ZNF506: variants seen among roughly 807,000 people sequenced by gnomAD.
ZNF506 encodes zinc finger protein 506.
In ZNF506, 10 loss-of-function variants were observed where a neutral mutation model predicts 11.6. The observed-to-expected ratio is 0.86, with a 90% CI of 0.53 to 1.46. The LOEUF is 1.46. Ranked by LOEUF, ZNF506 falls within the 40% of genes most tolerant of loss-of-function variation. The pLI, the probability that ZNF506 is intolerant of heterozygous loss-of-function variation, is 0.00. For synonymous variants in ZNF506, 156 were observed against 173.3 expected, an observed-to-expected ratio of 0.90 and a Z score of 0.78; for missense variants, 425 against 521.2, an observed-to-expected ratio of 0.82 and a Z score of 1.80.
intron 1 of ZNF506, among the ~76,000 whole-genome samples, chr19:19,815,717 T>C (rs1015344235): frequency 2.0e-5 from 3 of 152,232 alleles, no homozygotes; most frequent in Admixed American, 6.5e-5. Context: ...TCCCGCAACA[T>C]TGTCCTCATG....
At chr19:19,808,860 AAAAG>A (rs1568478351) in intron 1 of ZNF506, among the ~76,000 whole-genome samples, 1 of 151,622 alleles carries the variant, frequency 6.6e-6, no homozygotes, top group Non-Finnish European at 1.5e-5. Flanking sequence ...AAAAAAAAAA[AAAAG>A]AAACATGTTT....
In ZNF506 at chr19:19,793,423, T is replaced by C. The variant is rs961987762; in HGVS notation, c.*1129A>G. 6.6e-6 allele frequency among the ~76,000 whole-genome samples: 1 copy of C among 152,162 alleles called. No individual in the cohort carries two copies. The highest frequency in any genetic ancestry group is 1.5e-5 in the Non-Finnish European group (1 of 68,018). On this transcript the variant is annotated 3_prime_UTR_variant, in exon 4 of 4. Coordinates refer to ENST00000540806, the MANE Select transcript of ZNF506 (RefSeq NM_001099269.3). The stretch of plus-strand genomic sequence containing the variant: ...AAAAAAAAAGTCTTTCCAAATTCAT[T>C]ATATTTGCAGGACTCTTCTCCAATA...
chr19:19,814,385 G>A (rs1394345888), intron 1 of ZNF506, among the ~76,000 whole-genome samples: 1 of 129,156 alleles, frequency 7.7e-6, no homozygotes, highest in East Asian at 3.2e-4. Context: ...ACCACCCTGG[G>A]CAGCAAGTGC....
chr19:19,811,801 T>A (rs192814592), intron 1 of ZNF506, among the ~76,000 whole-genome samples: 2 of 152,036 alleles, frequency 1.3e-5, no homozygotes, highest in Non-Finnish European at 2.9e-5. Flanking sequence ...AAGGAAATTA[T>A]AATAACGGTT....
intron 3 of ZNF506, among the ~76,000 whole-genome samples, chr19:19,803,978 T>G (rs961337695): frequency 6.7e-5 from 10 of 150,124 alleles, no homozygotes; most frequent in Non-Finnish European, 1.3e-4. Context: ...GTGGTTTACT[T>G]CCAACTATAT....
chr19:19,809,187 A>G (rs1296135727), intron 1 of ZNF506, among the ~76,000 whole-genome samples: 1 of 152,218 alleles, frequency 6.6e-6, no homozygotes, highest in Non-Finnish European at 1.5e-5. Context: ...AACATTTTTA[A>G]TATTGCAGAT....
Position 19,794,340 on chromosome 19 carries a change from T to C in ZNF506, c.*212A>G, listed in dbSNP as rs1329023029. ...AACAAAAAGAGTTGACAGGTTGTTA[T>C]AGGCTTTGCCATATTCTTCACACTT... On this transcript the variant is annotated 3_prime_UTR_variant, in exon 4 of 4. Transcript: ENST00000540806. 1.9e-5 allele frequency: 9 copies of C among 485,970 alleles called. No individual in the cohort carries two copies. Among genetic ancestry groups the C allele is most frequent in the Admixed American group, 3.8e-5 (1 of 26,548 alleles). The allele number at this position is 485,970 out of a possible 1,614,324, so 30.1% of individuals were successfully genotyped here. A position where few individuals can be genotyped will look rare whatever the true frequency, so the allele number is the denominator to read the frequency against.
intron 1 of ZNF506, among the ~76,000 whole-genome samples, chr19:19,812,160 A>G (rs1168723536): frequency 6.6e-6 from 1 of 152,262 alleles, no homozygotes; most frequent in Non-Finnish European, 1.5e-5. Flanking sequence ...GGGGATGAAC[A>G]AACACAGATG....
chr19:19,796,731 T>A (rs1433704901), intron 3 of ZNF506: 3 of 152,170 alleles, frequency 2.0e-5, no homozygotes, highest in African/African-American at 7.2e-5. Flanking sequence ...TACTGGTTAA[T>A]GTCTCCCACG....
intron 1 of ZNF506, among the ~76,000 whole-genome samples, chr19:19,808,800 G>A (rs573649858): frequency 3.7e-5 from 5 of 133,960 alleles, no homozygotes; most frequent in African/African-American, 8.8e-5. Flanking sequence ...CCAAGATCGC[G>A]CTACTATACC....
intron 1 of ZNF506, among the ~76,000 whole-genome samples, chr19:19,820,095 C>CAAA (rs879774686): frequency 1.6e-5 from 2 of 122,062 alleles, no homozygotes; most frequent in African/African-American, 6.1e-5. Flanking sequence ...GACTCCATCT[C>CAAA]AAAAAAAAAA....
At chr19:19,815,349 T>A (rs149053001) in intron 1 of ZNF506, among the ~76,000 whole-genome samples, 1 of 152,226 alleles carries the variant, frequency 6.6e-6, no homozygotes, top group East Asian at 1.9e-4. Context: ...TGTGGACATG[T>A]CAATGTCTAG....
chr19:19,820,698 T>C (rs2062961812), intron 1 of ZNF506: 2 of 152,052 alleles, frequency 1.3e-5, no homozygotes, highest in Admixed American at 1.3e-4. Flanking sequence ...AATAAATAAA[T>C]AAATAAATAA....
At chr19:19,801,807 C>A (rs1165164428) in intron 3 of ZNF506, among the ~76,000 whole-genome samples, 2 of 147,744 alleles carry the variant, frequency 1.4e-5, no homozygotes, top group East Asian at 2.0e-4. Flanking sequence ...AAAAGAGAAA[C>A]CTACTCTGAA....
At chr19:19,805,215 G>T (rs1041115259) in intron 3 of ZNF506, among the ~76,000 whole-genome samples, 2 of 151,072 alleles carry the variant, frequency 1.3e-5, no homozygotes, top group Non-Finnish European at 3.0e-5. Flanking sequence ...ATAAAATAAA[G>T]AAAAAATCTT....
intron 1 of ZNF506, among the ~76,000 whole-genome samples, chr19:19,808,864 G>C (rs906305802): frequency 1.8e-5 from 2 of 112,016 alleles, no homozygotes; most frequent in East Asian, 3.0e-4. Flanking sequence ...AAAAAAAAAA[G>C]AAACATGTTT....
chr19:19,805,678 T>A (rs1388154659), intron 3 of ZNF506, among the ~76,000 whole-genome samples: 2 of 152,158 alleles, frequency 1.3e-5, no homozygotes, highest in South Asian at 4.1e-4. Context: ...TAAAGAGTTT[T>A]AGTTTCTCAA....
intron 3 of ZNF506, among the ~76,000 whole-genome samples, chr19:19,805,103 T>A (rs1315467051): frequency 6.6e-6 from 1 of 152,048 alleles, no homozygotes; most frequent in African/African-American, 2.4e-5. Flanking sequence ...CCATACACAG[T>A]ACATTAAAAC....
chr19:19,818,740 T>C (rs2062950531), intron 1 of ZNF506, among the ~76,000 whole-genome samples: 1 of 152,214 alleles, frequency 6.6e-6, no homozygotes, highest in African/African-American at 2.4e-5. Context: ...CAGTGGCTCA[T>C]GTCTGTAATC....
Sources: gnomAD v4.1 joint callset for allele counts (sites outside exome capture counted in the v4.1 genomes callset) on GRCh38, gnomAD v4.1.1 for gene constraint, MANE v1.5 for transcripts, NCBI Gene and HGNC (gene_info 2026-07-23, HGNC 2026-07-21) for gene names.